Variants in CEP128 observed in about 807,000 individuals in gnomAD.
CEP128 encodes the protein centrosomal protein 128kDa.
A neutral mutation model predicts 156.7 loss-of-function variants in CEP128; 132 were observed. That is an observed-to-expected ratio of 0.84 (90% CI 0.73 to 0.97). CEP128 has a LOEUF of 0.97. Among genes scored for constraint, CEP128 ranks in the 50% least tolerant of loss-of-function variants. The pLI is 0.00. For synonymous variants in CEP128, 469 were observed against 448.9 expected, an observed-to-expected ratio of 1.04 and a Z score of -0.57; for missense variants, 1,252 against 1,281.9, an observed-to-expected ratio of 0.98 and a Z score of 0.36.
chr14:80,743,222 T>A lies in CEP128; in HGVS notation c.2659A>T (p.Arg887Ter). 1 of 1,613,638 alleles carries A rather than the reference T, an allele frequency of 6.2e-7. No homozygotes were observed. Among genetic ancestry groups the A allele is most frequent in the Non-Finnish European group, 8.5e-7 (1 of 1,179,798 alleles). Residue 887 changes from arginine to a stop codon, truncating the protein, a stop_gained, in exon 19 of 25, where the codon AGA (arginine) becomes TGA (stop). Coordinates refer to ENST00000555265, the MANE Select transcript of CEP128 (RefSeq NM_152446.5). LOFTEE classifies it high-confidence loss of function. The stretch of plus-strand genomic sequence containing the variant: ...AGCTGGTGTCGCAGATTTTTCTCTC[T>A]GTTTTCTCTCTCTTTCAGTTCCTCA... ...LCEELKEREN[R>*]EKNLRHQLML...
chr14:80,736,010 C>T (rs909252555), intron 19 of CEP128, among the ~76,000 whole-genome samples: 8 of 152,240 alleles, frequency 5.3e-5, no homozygotes, highest in Non-Finnish European at 8.8e-5. Flanking sequence ...TGTAAGGTAA[C>T]ATATTCACAG....
At chr14:80,553,577 G>C (rs1890304021) in intron 21 of CEP128, among the ~76,000 whole-genome samples, 1 of 152,146 alleles carries the variant, frequency 6.6e-6, no homozygotes, top group South Asian at 2.1e-4. Context: ...ACATGTTTAA[G>C]AAAACTCCCC....
intron 19 of CEP128, among the ~76,000 whole-genome samples, chr14:80,719,062 G>A (rs1897716371): frequency 2.0e-5 from 3 of 152,162 alleles, no homozygotes; most frequent in South Asian, 4.1e-4. Context: ...AGATGGCAAT[G>A]AAAGTGATTC....
chr14:80,951,739 A>G (rs1886470766), intron 2 of CEP128, among the ~76,000 whole-genome samples: 1 of 152,112 alleles, frequency 6.6e-6, no homozygotes, highest in East Asian at 1.9e-4. Context: ...AGCAAGACCC[A>G]ACTCTATGCT....
chr14:80,774,582 T>C (rs537102086), intron 16 of CEP128, among the ~76,000 whole-genome samples: 22 of 152,286 alleles, frequency 1.4e-4, no homozygotes, highest in African/African-American at 5.3e-4. Context: ...TGTGTATGTG[T>C]ATCCATATTT....
intron 2 of CEP128, among the ~76,000 whole-genome samples, chr14:80,947,940 G>T (rs967253869): frequency 2.0e-5 from 3 of 152,210 alleles, no homozygotes; most frequent in African/African-American, 7.2e-5. Context: ...TCCAGCACAA[G>T]TGATGACCAC....
chr14:80,494,065 G>A (rs185364951), downstream of CEP128, among the ~76,000 whole-genome samples: 167 of 152,174 alleles, frequency 1.1e-3, 2 homozygotes, highest in South Asian at 3.3e-3. Context: ...AATCTTTCGT[G>A]GTTTAAATTT....
At chr14:80,909,403 A>ACATG in intron 4 of CEP128, among the ~76,000 whole-genome samples, 1 of 150,704 alleles carries the variant, frequency 6.6e-6, no homozygotes, top group East Asian at 2.0e-4. Context: ...ACACACACAC[A>ACATG]CGCAAACTCC....
At chr14:80,490,679 C>T (rs1229020555) in exon 7 of CEP128, 1 of 152,138 alleles carries the variant, frequency 6.6e-6, no homozygotes, top group African/African-American at 2.4e-5. Context: ...GGCTTTAAGA[C>T]CTCCACTTGG....
intron 13 of CEP128, among the ~76,000 whole-genome samples, chr14:80,824,460 A>G (rs1885362006): frequency 6.6e-6 from 1 of 152,164 alleles, no homozygotes. Flanking sequence ...CCCTTATAAA[A>G]CTGAATGCCT....
At chr14:80,930,732 GA>G (rs1227995703) in intron 2 of CEP128, among the ~76,000 whole-genome samples, 1 of 151,984 alleles carries the variant, frequency 6.6e-6, no homozygotes, top group East Asian at 1.9e-4. Context: ...TTTTTCAAAA[GA>G]AAAAAACATG....
chr14:80,603,712 AATT>A (rs1349296539), intron 19 of CEP128, among the ~76,000 whole-genome samples: 3 of 152,162 alleles, frequency 2.0e-5, no homozygotes, highest in African/African-American at 7.2e-5. Flanking sequence ...AAGATATTGC[AATT>A]ATTATCAATT....
intron 19 of CEP128, among the ~76,000 whole-genome samples, chr14:80,602,642 A>G (rs1470312454): frequency 2.0e-5 from 3 of 152,122 alleles, no homozygotes; most frequent in African/African-American, 7.2e-5. Context: ...GCATGGTGGC[A>G]TGCACCTGTA....
At chr14:80,899,385 C>G (rs967725395) in intron 7 of CEP128, among the ~76,000 whole-genome samples, 1 of 152,254 alleles carries the variant, frequency 6.6e-6, no homozygotes, top group Middle Eastern at 3.4e-3. Flanking sequence ...CCACCTGCCA[C>G]TGGTGATGAC....
In CEP128 at chr14:80,955,848, T is replaced by A. The variant is rs1390619232; in HGVS notation, c.-172+2330A>T. 1.9e-6 allele frequency: 3 copies of A among 1,614,026 alleles called. No individual in the cohort carries two copies. Among genetic ancestry groups the A allele is most frequent in the Non-Finnish European group, 1.7e-6 (2 of 1,180,036 alleles). ...CCAGCTTACCGCCCAGTACGCAGACTCTGTGAGTACCCGGGAGAGATCAGG... is the reference window on the plus strand; with the variant it reads ...CCAGCTTACCGCCCAGTACGCAGACACTGTGAGTACCCGGGAGAGATCAGG... On this transcript the variant is annotated intron_variant, in intron 2 of 7. Transcript: ENST00000555529.
chr14:80,593,368 T>G (rs2080130827), intron 19 of CEP128, among the ~76,000 whole-genome samples: 1 of 151,768 alleles, frequency 6.6e-6, no homozygotes, highest in Admixed American at 6.6e-5. Flanking sequence ...AAACCCCATC[T>G]CTACTAAAGA....
chr14:80,510,945 T>A (rs972255367), intron 23 of CEP128, among the ~76,000 whole-genome samples: 11 of 151,976 alleles, frequency 7.2e-5, no homozygotes, highest in Non-Finnish European at 1.6e-4. Flanking sequence ...CATGTTTGCA[T>A]CCCTGGGCTA....
At chr14:80,887,875 C>A (rs1369329075) in intron 8 of CEP128, among the ~76,000 whole-genome samples, 1 of 152,080 alleles carries the variant, frequency 6.6e-6, no homozygotes, top group African/African-American at 2.4e-5. Context: ...AACAGATAGA[C>A]TGCTAGCCAG....
In CEP128 at chr14:80,497,472, T is replaced by G; in HGVS notation, c.*7A>C. 1 of 1,566,988 alleles carries G rather than the reference T, an allele frequency of 6.4e-7. No individual in the cohort carries two copies. The highest frequency in any genetic ancestry group is 1.4e-5 in the African/African-American group (1 of 73,956). ...CTCATGTAAAATAACAAATTACATTTGCTTTTTTAGCTCCCATATTCCTCT... is the reference window on the plus strand; with the variant it reads ...CTCATGTAAAATAACAAATTACATTGGCTTTTTTAGCTCCCATATTCCTCT... On this transcript the variant is annotated 3_prime_UTR_variant, in exon 25 of 25. Coordinates refer to ENST00000555265, the MANE Select transcript of CEP128 (RefSeq NM_152446.5).
Sources: allele counts gnomAD v4.1 joint callset (sites outside exome capture counted in the v4.1 genomes callset), GRCh38; gene constraint gnomAD v4.1.1; transcripts MANE v1.5; gene names NCBI Gene and HGNC (gene_info 2026-07-23, HGNC 2026-07-21).